Variants in SGCD observed in about 807,000 individuals in gnomAD.
SGCD encodes the protein sarcoglycan delta.
A neutral mutation model predicts 36.6 loss-of-function variants in SGCD; 18 were observed. The ratio of observed to expected loss-of-function variants is 0.49; its 90% CI spans 0.34 to 0.73. The LOEUF (loss-of-function observed/expected upper bound fraction) is 0.73, where lower values mean the gene tolerates loss of function less well. SGCD is among the 30% of genes least tolerant of loss of function. The probability of loss-of-function intolerance (pLI) is 0.01; values close to 1 mark genes in which losing one functional copy is unlikely to be tolerated. For missense variants in SGCD, 387 were observed against 346.7 expected, an observed-to-expected ratio of 1.12 and a Z score of -0.92; for synonymous variants, 133 against 130.6, an observed-to-expected ratio of 1.02 and a Z score of -0.12.
intron 1 of SGCD, among the ~76,000 whole-genome samples, chr5:155,896,375 T>C (rs244975): frequency 0.91 from 138,362 of 151,758 alleles, 63,205 homozygotes; most frequent in African/African-American, 0.96. Context: ...CTGAGGTGGG[T>C]GAGAACTTTC....
At chr5:156,105,766 C>T (rs1188865595) in intron 1 of SGCD, among the ~76,000 whole-genome samples, 4 of 152,046 alleles carry the variant, frequency 2.6e-5, no homozygotes, top group Non-Finnish European at 5.9e-5. Context: ...CCATGTTTTC[C>T]TCCCTTCTGA....
intron 1 of SGCD, among the ~76,000 whole-genome samples, chr5:155,947,703 G>A (rs1357366969): frequency 6.6e-6 from 1 of 152,180 alleles, no homozygotes; most frequent in Admixed American, 6.5e-5. Flanking sequence ...GAACAAGCAT[G>A]GCAGAGATGA....
At chr5:156,242,303 G>A (rs1765325106) in intron 3 of SGCD, among the ~76,000 whole-genome samples, 1 of 152,192 alleles carries the variant, frequency 6.6e-6, no homozygotes, top group South Asian at 2.1e-4. Context: ...AGCTAGAGTA[G>A]ATTAGTGGCA....
chr5:156,466,145 A>G (rs1477670630), intron 3 of SGCD, among the ~76,000 whole-genome samples: 5 of 152,196 alleles, frequency 3.3e-5, no homozygotes, highest in African/African-American at 1.2e-4. Context: ...ATATATTGTG[A>G]GAGTGAAAAC....
chr5:156,242,522 T>A (rs57499459), intron 3 of SGCD, among the ~76,000 whole-genome samples: 1 of 152,194 alleles, frequency 6.6e-6, no homozygotes, highest in African/African-American at 2.4e-5. Context: ...TAGTTAGTTA[T>A]ATTAATGTCA....
intron 6 of SGCD, among the ~76,000 whole-genome samples, chr5:156,623,237 G>A (rs1489210861): frequency 1.3e-5 from 2 of 152,070 alleles, no homozygotes; most frequent in Non-Finnish European, 2.9e-5. Flanking sequence ...ACGTTCAGGC[G>A]TTCGGACTTT....
At chr5:156,570,362 G>T (rs1011013765) in intron 4 of SGCD, among the ~76,000 whole-genome samples, 1 of 152,122 alleles carries the variant, frequency 6.6e-6, no homozygotes, top group Non-Finnish European at 1.5e-5. Flanking sequence ...AGCATTCAGG[G>T]TGTCCACATT....
chr5:156,400,455 T>G lies in SGCD; in HGVS notation c.192+55778T>G, dbSNP rs1772084810. Among the ~76,000 whole-genome samples the G allele has an allele frequency of 2.0e-5, 3 of 152,190 alleles. No homozygotes were observed. The South Asian group carries it at 6.2e-4, about 31-fold the overall frequency. On this transcript the variant is annotated intron_variant, in intron 3 of 8. Coordinates refer to ENST00000337851, the MANE Select transcript of SGCD (RefSeq NM_000337.6). Reference sequence around the variant, plus strand: ...ATGCATCCACATTTTAAAGGGGACATCTGGACAGATAACTACTGAAGCACA... The same window carrying G: ...ATGCATCCACATTTTAAAGGGGACAGCTGGACAGATAACTACTGAAGCACA...
At chr5:156,653,817 TCTTA>T (rs780164204) in intron 7 of SGCD, among the ~76,000 whole-genome samples, 2 of 152,210 alleles carry the variant, frequency 1.3e-5, no homozygotes, top group South Asian at 2.1e-4. Context: ...ACTGGGCCAG[TCTTA>T]CTTGGCCACA....
chr5:156,212,240 T>C (rs983993807), intron 3 of SGCD, among the ~76,000 whole-genome samples: 1 of 152,210 alleles, frequency 6.6e-6, no homozygotes, highest in African/African-American at 2.4e-5. Context: ...TTTAAAAAGA[T>C]CTAAATGTAT....
chr5:156,286,080 T>C (rs1401045596), intron 3 of SGCD, among the ~76,000 whole-genome samples: 2 of 152,158 alleles, frequency 1.3e-5, no homozygotes, highest in Non-Finnish European at 2.9e-5. Context: ...AAAATGCTCA[T>C]CAGCACTGGC....
At chr5:155,902,857 T>C (rs904727968) in intron 1 of SGCD, among the ~76,000 whole-genome samples, 1 of 152,226 alleles carries the variant, frequency 6.6e-6, no homozygotes, top group Admixed American at 6.5e-5. Flanking sequence ...TCCCCAAGTT[T>C]ATTTTGTTCT....
intron 4 of SGCD, among the ~76,000 whole-genome samples, chr5:156,575,149 A>C (rs1184994608): frequency 2.6e-5 from 4 of 152,296 alleles, no homozygotes; most frequent in African/African-American, 9.6e-5. Flanking sequence ...CTGTATTGCT[A>C]TCTGTGCCAT....
At chr5:155,900,891 A>T (rs1264316282) in intron 1 of SGCD, among the ~76,000 whole-genome samples, 1 of 152,156 alleles carries the variant, frequency 6.6e-6, no homozygotes, top group African/African-American at 2.4e-5. Flanking sequence ...ATATGTGCAC[A>T]CTCATGTTAC....
intron 3 of SGCD, among the ~76,000 whole-genome samples, chr5:156,257,372 G>T (rs1269909815): frequency 6.6e-6 from 1 of 152,050 alleles, no homozygotes; most frequent in Non-Finnish European, 1.5e-5. Flanking sequence ...TACTTGGGAG[G>T]CTGAGGCAGG....
intron 3 of SGCD, among the ~76,000 whole-genome samples, chr5:156,213,778 T>C (rs1264780351): frequency 1.3e-5 from 2 of 152,040 alleles, no homozygotes; most frequent in African/African-American, 2.4e-5. Context: ...TGTGATCAAT[T>C]GGGATTTATA....
At chr5:156,190,705 G>T (rs181092363) in intron 3 of SGCD, among the ~76,000 whole-genome samples, 1 of 152,032 alleles carries the variant, frequency 6.6e-6, no homozygotes, top group Non-Finnish European at 1.5e-5. Flanking sequence ...TATATTAGAG[G>T]TAACATGTAC....
At chr5:156,272,156 C>T (rs1766197890) in intron 3 of SGCD, among the ~76,000 whole-genome samples, 1 of 152,104 alleles carries the variant, frequency 6.6e-6, no homozygotes, top group African/African-American at 2.4e-5. Context: ...TCTGTTATCC[C>T]TTACACCCTT....
intron 3 of SGCD, among the ~76,000 whole-genome samples, chr5:156,454,245 GA>G (rs1051627938): frequency 1.3e-5 from 2 of 152,140 alleles, no homozygotes; most frequent in African/African-American, 4.8e-5. Flanking sequence ...AGTGGACAGA[GA>G]AAAAAGTCTG....
Sources: gnomAD v4.1 joint callset for allele counts (sites outside exome capture counted in the v4.1 genomes callset) on GRCh38, gnomAD v4.1.1 for gene constraint, MANE v1.5 for transcripts, NCBI Gene and HGNC (gene_info 2026-07-23, HGNC 2026-07-21) for gene names.